The following SLC25A21 variants were observed in gnomAD, a reference collection of about 807,000 sequenced individuals.
SLC25A21 encodes the protein mitochondrial 2-oxodicarboxylate carrier.
A neutral mutation model predicts 43.8 loss-of-function variants in SLC25A21; 47 were observed. That is an observed-to-expected ratio of 1.07 (90% CI 0.85 to 1.37). SLC25A21 has a LOEUF of 1.37. SLC25A21 is among the 40% of genes most tolerant of loss of function. The pLI is 0.00. For synonymous variants in SLC25A21, 131 were observed against 121.3 expected, an observed-to-expected ratio of 1.08 and a Z score of -0.52; for missense variants, 352 against 350.2, an observed-to-expected ratio of 1.00 and a Z score of -0.04.
At chr14:37,115,528 A>G (rs1253012104) in intron 1 of SLC25A21, among the ~76,000 whole-genome samples, 1 of 152,212 alleles carries the variant, frequency 6.6e-6, no homozygotes, top group African/African-American at 2.4e-5. Context: ...CAAAGAACTC[A>G]AGGGCTCTCC....
At chr14:37,096,689 T>C (rs2138857891) in intron 1 of SLC25A21, among the ~76,000 whole-genome samples, 1 of 152,312 alleles carries the variant, frequency 6.6e-6, no homozygotes, top group African/African-American at 2.4e-5. Flanking sequence ...CTGAATTTTT[T>C]TCAGCTCCAG....
chr14:37,055,756 T>C (rs953247837), intron 1 of SLC25A21, among the ~76,000 whole-genome samples: 1 of 152,236 alleles, frequency 6.6e-6, no homozygotes, highest in Non-Finnish European at 1.5e-5. Context: ...TATTTTACTC[T>C]GTTTTGTAAA....
At chr14:37,156,158 CA>C (rs61052100) in intron 1 of SLC25A21, among the ~76,000 whole-genome samples, 3,274 of 103,718 alleles carry the variant, frequency 0.032, 56 homozygotes, top group African/African-American at 0.065. Flanking sequence ...GACTCCATCT[CA>C]AAAAAAAAAA....
At chr14:36,911,262 C>T (rs1237605576) in intron 1 of SLC25A21, among the ~76,000 whole-genome samples, 1 of 152,194 alleles carries the variant, frequency 6.6e-6, no homozygotes, top group Non-Finnish European at 1.5e-5. Flanking sequence ...AATTCATTAA[C>T]TCACTGCTGG....
chr14:36,858,126 C>A (rs1889956301), intron 2 of SLC25A21, among the ~76,000 whole-genome samples: 1 of 152,068 alleles, frequency 6.6e-6, no homozygotes, highest in African/African-American at 2.4e-5. Context: ...GGAAAAAACA[C>A]CCTCTTTTTC....
Position 36,793,586 on chromosome 14 carries a change from T to C in SLC25A21, c.203+20332A>G, listed in dbSNP as rs1012777651. 4.0e-5 allele frequency among the ~76,000 whole-genome samples: 6 copies of C among 149,734 alleles called. No individual in the cohort carries two copies. The South Asian group carries it at 1.1e-3, about 26-fold the overall frequency. ...TATCATGATGGTCTCATACATGTCA[T>C]GTTATTTGCAGTTAGGAGTTAAGGA... is the stretch of plus-strand genomic sequence containing the variant. On this transcript the variant is annotated intron_variant, in intron 3 of 9. Transcript: ENST00000331299.
intron 1 of SLC25A21, among the ~76,000 whole-genome samples, chr14:36,949,630 T>C (rs957354527): frequency 2.0e-5 from 3 of 152,026 alleles, no homozygotes; most frequent in Non-Finnish European, 4.4e-5. Flanking sequence ...TTTATGGGAT[T>C]TTTTTTTCCT....
chr14:36,856,696 G>C (rs1273880926), intron 2 of SLC25A21, among the ~76,000 whole-genome samples: 1 of 152,180 alleles, frequency 6.6e-6, no homozygotes, highest in East Asian at 1.9e-4. Context: ...GTATAGCAGA[G>C]GCCGGCACGC....
At chr14:37,120,959 G>C (rs2415387) in intron 1 of SLC25A21, among the ~76,000 whole-genome samples, 18,545 of 152,114 alleles carry the variant, frequency 0.12, 2,845 homozygotes, top group African/African-American at 0.36. Flanking sequence ...TGCTATAAAC[G>C]TGAGACCACT....
At chr14:36,886,099 A>T (rs1028835221) in intron 1 of SLC25A21, among the ~76,000 whole-genome samples, 1 of 152,232 alleles carries the variant, frequency 6.6e-6, no homozygotes, top group African/African-American at 2.4e-5. Flanking sequence ...AACTACAGAC[A>T]GAACTGATAT....
intron 7 of SLC25A21, among the ~76,000 whole-genome samples, chr14:36,697,687 TC>T (rs1287032601): frequency 1.3e-5 from 2 of 151,528 alleles, no homozygotes; most frequent in Non-Finnish European, 2.9e-5. Context: ...TCTCTTTTGA[TC>T]TTTGTTGGTT....
intron 1 of SLC25A21, among the ~76,000 whole-genome samples, chr14:36,916,318 G>A (rs1891831211): frequency 6.6e-6 from 1 of 152,136 alleles, no homozygotes. Context: ...CATTTGGGCT[G>A]TTTATCCTTT....
intron 3 of SLC25A21, among the ~76,000 whole-genome samples, chr14:36,787,446 G>A (rs1204708913): frequency 6.6e-6 from 1 of 152,144 alleles, no homozygotes; most frequent in African/African-American, 2.4e-5. Context: ...TGGTTTTAAA[G>A]CATACTTAGC....
chr14:36,735,500 C>A (rs1218237284), intron 3 of SLC25A21, among the ~76,000 whole-genome samples: 2 of 79,428 alleles, frequency 2.5e-5, no homozygotes, highest in African/African-American at 1.2e-4. Context: ...GGATATCCAG[C>A]TAACATGGGG....
intron 1 of SLC25A21, among the ~76,000 whole-genome samples, chr14:37,030,542 C>T (rs1396766320): frequency 6.6e-6 from 1 of 152,182 alleles, no homozygotes; most frequent in African/African-American, 2.4e-5. Flanking sequence ...GCACCATGTA[C>T]ATACTTTCCA....
rs188997950 is a variant in SLC25A21 at position 36,769,539 on chromosome 14, G to A, written c.204-34966C>T. ...ATTCCTAAAAATCCCTAAAAATCCC[G>A]AGGAGAATCTACTCTCTTCATATTA... On this transcript the variant is annotated intron_variant, in intron 3 of 9. Transcript: ENST00000331299. Among the ~76,000 whole-genome samples the A allele has an allele frequency of 5.2e-3, 795 of 152,222 alleles. 4 individuals are homozygous for A. Among genetic ancestry groups the A allele is most frequent in the Non-Finnish European group, 8.2e-3 (555 of 68,012 alleles).
chr14:36,803,525 T>A (rs1324688957), intron 3 of SLC25A21, among the ~76,000 whole-genome samples: 1 of 152,204 alleles, frequency 6.6e-6, no homozygotes, highest in Non-Finnish European at 1.5e-5. Flanking sequence ...GTAAAAAAAA[T>A]TTAAAAAACT....
chr14:36,731,544 GT>G (rs576028037), intron 4 of SLC25A21, among the ~76,000 whole-genome samples: 2 of 152,216 alleles, frequency 1.3e-5, no homozygotes, highest in South Asian at 4.2e-4. Flanking sequence ...TGTAACTTAG[GT>G]TACCAAAGGA....
chr14:36,792,381 C>T (rs972920884), intron 3 of SLC25A21, among the ~76,000 whole-genome samples: 2 of 152,104 alleles, frequency 1.3e-5, no homozygotes, highest in Non-Finnish European at 2.9e-5. Context: ...TCAATGGCTG[C>T]GAGTCTGTAT....
Sources: allele counts gnomAD v4.1 joint callset (sites outside exome capture counted in the v4.1 genomes callset), GRCh38; gene constraint gnomAD v4.1.1; transcripts MANE v1.5; gene names NCBI Gene and HGNC (gene_info 2026-07-23, HGNC 2026-07-21).